MCCC2: variants seen among roughly 807,000 people sequenced by gnomAD.
MCCC2 encodes methylcrotonyl-CoA carboxylase subunit 2.
A neutral mutation model predicts 77.2 loss-of-function variants in MCCC2; 52 were observed. The ratio of observed to expected loss-of-function variants is 0.67; its 90% CI spans 0.54 to 0.85. The LOEUF is 0.85. MCCC2 is among the 40% of genes least tolerant of loss of function. The probability of loss-of-function intolerance (pLI) is 0.00; values close to 1 mark genes in which losing one functional copy is unlikely to be tolerated. For missense variants in MCCC2, 682 were observed against 703.2 expected, an observed-to-expected ratio of 0.97 and a Z score of 0.34; for synonymous variants, 253 against 248.4, an observed-to-expected ratio of 1.02 and a Z score of -0.18.
At chr5:71,646,079 A>G in intron 12 of MCCC2, 132 bp from the exon 13 acceptor site, 1 of 666,386 alleles carries the variant, frequency 1.5e-6, no homozygotes. Context: ...AAAAAAAATT[A>G]ATAAGAAGAG....
intron 6 of MCCC2, among the ~76,000 whole-genome samples, chr5:71,612,430 T>C (rs1438198386): frequency 6.6e-6 from 1 of 152,256 alleles, no homozygotes; most frequent in Non-Finnish European, 1.5e-5. Context: ...TTTATTTATC[T>C]AAATAGAAAC....
chr5:71,638,416 T>G (rs1305737893), intron 10 of MCCC2, among the ~76,000 whole-genome samples: 1 of 152,140 alleles, frequency 6.6e-6, no homozygotes, highest in Non-Finnish European at 1.5e-5. Context: ...TCGTGAATAT[T>G]CTCAATGGCA....
intron 3 of MCCC2, 60 bp downstream of exon 3, chr5:71,596,424 C>T: frequency 7.2e-7 from 1 of 1,388,284 alleles, no homozygotes; most frequent in Admixed American, 1.7e-5. Context: ...CTTTATTAGA[C>T]AGTCTTGTAA....
At chr5:71,605,173 G>T (rs1256381554) in intron 6 of MCCC2, among the ~76,000 whole-genome samples, 4 of 127,816 alleles carry the variant, frequency 3.1e-5, no homozygotes, top group Non-Finnish European at 5.1e-5. Context: ...TTCGACAATG[G>T]TTGAACTAGT....
At chr5:71,613,273 C>T (rs1017072523) in intron 6 of MCCC2, among the ~76,000 whole-genome samples, 20 of 152,110 alleles carry the variant, frequency 1.3e-4, no homozygotes, top group African/African-American at 3.6e-4. Context: ...GCACTATAGC[C>T]CTCTATCATC....
intron 10 of MCCC2, among the ~76,000 whole-genome samples, chr5:71,638,474 A>C (rs1747005230): frequency 6.6e-6 from 1 of 152,262 alleles, no homozygotes; most frequent in Non-Finnish European, 1.5e-5. Flanking sequence ...TACTTTGCCC[A>C]GATCTGTCAG....
chr5:71,642,693 C>T (rs1366107126), intron 11 of MCCC2, among the ~76,000 whole-genome samples: 1 of 152,184 alleles, frequency 6.6e-6, no homozygotes, highest in African/African-American at 2.4e-5. Context: ...GATTTCTGGA[C>T]TTTTTGGAAG....
At chr5:71,610,732 A>G (rs1201209014) in intron 6 of MCCC2, among the ~76,000 whole-genome samples, 1 of 152,214 alleles carries the variant, frequency 6.6e-6, no homozygotes, top group Non-Finnish European at 1.5e-5. Flanking sequence ...CACGCCTGGA[A>G]TCCCAGCACT....
intron 1 of MCCC2, among the ~76,000 whole-genome samples, chr5:71,589,377 G>A (rs890513989): frequency 6.6e-6 from 1 of 152,204 alleles, no homozygotes; most frequent in Non-Finnish European, 1.5e-5. Flanking sequence ...TCTCTCACTC[G>A]TGTTGGTGGC....
At chr5:71,593,756 A>T (rs1561817608) in intron 2 of MCCC2, among the ~76,000 whole-genome samples, 1 of 152,152 alleles carries the variant, frequency 6.6e-6, no homozygotes, top group Non-Finnish European at 1.5e-5. Context: ...AGCATTCTTC[A>T]TATTTGATAG....
At chr5:71,633,334 A>C (rs1746808742) in intron 8 of MCCC2, among the ~76,000 whole-genome samples, 1 of 151,694 alleles carries the variant, frequency 6.6e-6, no homozygotes. Context: ...AAGGGTGTAG[A>C]TTCTGGAATT....
At chr5:71,617,266 A>G (rs913034900) in intron 6 of MCCC2, among the ~76,000 whole-genome samples, 1 of 152,134 alleles carries the variant, frequency 6.6e-6, no homozygotes, top group Non-Finnish European at 1.5e-5. Context: ...ATCTTCCAAG[A>G]CACATCTCAA....
rs531567604 is a variant in MCCC2 at position 71,626,706 on chromosome 5, A to T, written c.691A>T (p.Ile231Phe). ...AYVPAMADEN[I>F]IVRKQGTIFL... Reference sequence around the variant, plus strand: ...TGTGCCTGCCATGGCTGATGAAAACATCATTGTACGCAAGCAGGGTACCAT... The same window carrying T: ...TGTGCCTGCCATGGCTGATGAAAACTTCATTGTACGCAAGCAGGGTACCAT... Residue 231 changes from isoleucine (I) to phenylalanine (F), a missense_variant, in exon 7 of 17, where the codon ATC becomes TTC. By Grantham distance (21) the Ile-to-Phe change is conservative (BLOSUM62 0). Coordinates refer to ENST00000340941, the MANE Select transcript of MCCC2 (RefSeq NM_022132.5). 5 of 1,614,162 alleles carry T rather than the reference A, an allele frequency of 3.1e-6. No individual in the cohort carries two copies. The highest frequency in any genetic ancestry group is 1.1e-5 in the South Asian group (1 of 91,086).
chr5:71,599,623 GA>G (rs1194301763), intron 3 of MCCC2, 35 bp from the exon 4 acceptor site: 1 of 1,519,042 alleles, frequency 6.6e-7, no homozygotes, highest in African/African-American at 1.4e-5. Context: ...AGTTTTTAAT[GA>G]CATTAATTCA....
intron 10 of MCCC2, among the ~76,000 whole-genome samples, chr5:71,638,195 T>C (rs1227481476): frequency 6.6e-6 from 1 of 152,258 alleles, no homozygotes; most frequent in Non-Finnish European, 1.5e-5. Context: ...GCTCCTCATC[T>C]GTTCAAGTTT....
intron 8 of MCCC2, among the ~76,000 whole-genome samples, chr5:71,633,088 GTTTTATATATATATATAT>G: frequency 1.4e-5 from 1 of 72,542 alleles, no homozygotes; most frequent in African/African-American, 6.5e-5. Context: ...TTTTTTTTCA[GTTTTATATATATATATAT>G]ATATATATAT....
At chr5:71,591,903 C>G (rs1744999961) in intron 1 of MCCC2, among the ~76,000 whole-genome samples, 1 of 152,028 alleles carries the variant, frequency 6.6e-6, no homozygotes, top group Non-Finnish European at 1.5e-5. Context: ...ACCACCATGC[C>G]CAGATAATTT....
At chr5:71,638,696 T>C (rs536153300) in intron 10 of MCCC2, among the ~76,000 whole-genome samples, 22 of 152,284 alleles carry the variant, frequency 1.4e-4, no homozygotes, top group African/African-American at 4.6e-4. Context: ...AATTTTTGTA[T>C]TTTTAGTAGA....
chr5:71,591,352 A>C (rs1744968173), intron 1 of MCCC2, among the ~76,000 whole-genome samples: 2 of 151,640 alleles, frequency 1.3e-5, no homozygotes. Context: ...TAGTCCCTCT[A>C]CCTCTTTTCT....
Sources: allele counts gnomAD v4.1 joint callset (sites outside exome capture counted in the v4.1 genomes callset), GRCh38; gene constraint gnomAD v4.1.1; transcripts MANE v1.5; gene names NCBI Gene and HGNC (gene_info 2026-07-23, HGNC 2026-07-21).